The following RGS7 variants were observed in gnomAD, a reference collection of about 807,000 sequenced individuals.
The protein encoded by RGS7 is regulator of G protein signaling 7.
A neutral mutation model predicts 81.1 loss-of-function variants in RGS7; 27 were observed. The ratio of observed to expected loss-of-function variants is 0.33; its 90% confidence interval spans 0.25 to 0.46. RGS7 has a LOEUF of 0.46. RGS7 is among the 20% of genes least tolerant of loss of function. RGS7 has a pLI of 1.00. For missense variants in RGS7, 396 were observed against 607.4 expected, an observed-to-expected ratio of 0.65 and a Z score of 3.66; for synonymous variants, 208 against 207.7, an observed-to-expected ratio of 1.00 and a Z score of -0.01.
At chr1:240,836,150 G>A (rs1273167811) in intron 9 of RGS7, among the ~76,000 whole-genome samples, 1 of 150,798 alleles carries the variant, frequency 6.6e-6, no homozygotes, top group South Asian at 2.1e-4. Flanking sequence ...GGGGTTGGGG[G>A]TGGGGGGTTG....
rs2060056716 is a variant in RGS7, at chr1:241,030,969, T to C, written c.176-47840A>G. 2.0e-5 allele frequency among the ~76,000 whole-genome samples: 3 copies of C among 152,216 alleles called. No individual in the cohort carries two copies. In the South Asian group the frequency reaches 6.2e-4, roughly 31 times the overall value. ...ACACAAAACATTCAGCAACTTCTTT[T>C]AAAAATTATTTGTATAAATTTAGGG... On this transcript the variant is annotated intron_variant, in intron 3 of 18. Coordinates refer to ENST00000440928, the MANE Select transcript of RGS7 (RefSeq NM_001364886.1).
At chr1:241,242,564 T>C (rs1477913017) in intron 2 of RGS7, among the ~76,000 whole-genome samples, 3 of 152,324 alleles carry the variant, frequency 2.0e-5, no homozygotes, top group South Asian at 2.1e-4. Context: ...CTGTTTTCCA[T>C]AGTGGTTGTA....
At chr1:241,043,546 T>G (rs1326503859) in intron 3 of RGS7, among the ~76,000 whole-genome samples, 2 of 127,764 alleles carry the variant, frequency 1.6e-5, no homozygotes, top group Non-Finnish European at 3.3e-5. Flanking sequence ...ATATATCATA[T>G]ATAATATTAT....
At chr1:241,064,210 A>G (rs958760493) in intron 3 of RGS7, among the ~76,000 whole-genome samples, 4 of 151,400 alleles carry the variant, frequency 2.6e-5, no homozygotes, top group African/African-American at 7.3e-5. Flanking sequence ...AAAAAATCAA[A>G]TAAGAGAAAG....
chr1:240,903,393 G>T lies in RGS7; in HGVS notation c.385+27324C>A, dbSNP rs575098362. Among the ~76,000 whole-genome samples, 217 of 152,186 alleles carry T rather than the reference G, an allele frequency of 1.4e-3. 1 individual carries two copies. Among genetic ancestry groups the T allele is most frequent in the Non-Finnish European group, 5.4e-4 (37 of 68,018 alleles). On this transcript the variant is annotated intron_variant, in intron 6 of 18. Transcript: ENST00000440928. ...ATATTTAAATTTTTTAATTTAAATA[G>T]TCATATGTAATTAATGGCTTCCATG...
At chr1:241,032,133 A>T (rs1359589531) in intron 3 of RGS7, among the ~76,000 whole-genome samples, 3 of 152,216 alleles carry the variant, frequency 2.0e-5, no homozygotes, top group African/African-American at 7.2e-5. Context: ...TCTTTAATCT[A>T]TCTTGAAGTG....
intron 3 of RGS7, among the ~76,000 whole-genome samples, chr1:240,996,117 T>C (rs929751641): frequency 1.3e-5 from 2 of 152,198 alleles, no homozygotes; most frequent in African/African-American, 4.8e-5. Context: ...TTTTTTCTCA[T>C]TGATTTCTAA....
At chr1:241,093,039 C>A (rs1234937637) in intron 3 of RGS7, among the ~76,000 whole-genome samples, 1 of 152,140 alleles carries the variant, frequency 6.6e-6, no homozygotes, top group South Asian at 2.1e-4. Flanking sequence ...TAAAGTTTAT[C>A]TTCAAAGACA....
chr1:241,005,064 C>T (rs1400683277), intron 3 of RGS7, among the ~76,000 whole-genome samples: 1 of 152,068 alleles, frequency 6.6e-6, no homozygotes. Context: ...ATGAGGTGCC[C>T]AACACAGACT....
chr1:241,236,177 A>C (rs139120698), intron 2 of RGS7, among the ~76,000 whole-genome samples: 3 of 139,044 alleles, frequency 2.2e-5, no homozygotes, highest in South Asian at 2.4e-4. Context: ...TCCGCCCCCC[A>C]TATTTTAGAA....
intron 2 of RGS7, among the ~76,000 whole-genome samples, chr1:241,318,779 C>G (rs997022200): frequency 1.3e-5 from 2 of 152,004 alleles, no homozygotes; most frequent in South Asian, 2.1e-4. Context: ...CCCAGACTAT[C>G]CTGAGAATTT....
At chr1:241,278,351 C>T (rs1192532706) in intron 2 of RGS7, among the ~76,000 whole-genome samples, 4 of 152,116 alleles carry the variant, frequency 2.6e-5, no homozygotes, top group Non-Finnish European at 4.4e-5. Context: ...TTTAGATGCA[C>T]GTTTTCTATC....
chr1:240,994,693 T>C (rs1049210492), intron 3 of RGS7, among the ~76,000 whole-genome samples: 21 of 151,948 alleles, frequency 1.4e-4, no homozygotes, highest in Admixed American at 1.2e-3. Context: ...GACTAGAAAT[T>C]TCAACATTAT....
At chr1:240,950,183 C>T (rs1231457128) in intron 4 of RGS7, among the ~76,000 whole-genome samples, 1 of 152,106 alleles carries the variant, frequency 6.6e-6, no homozygotes, top group Non-Finnish European at 1.5e-5. Flanking sequence ...ACTCGAGGGG[C>T]TCATAGTGTT....
In RGS7 at chr1:240,840,181, C is replaced by T. The variant is rs561116145; in HGVS notation, c.610-13009G>A. 2.0e-5 allele frequency among the ~76,000 whole-genome samples: 3 copies of T among 152,296 alleles called. No homozygotes were observed. In the East Asian group the frequency reaches 5.8e-4, roughly 29 times the overall value. The stretch of plus-strand genomic sequence containing the variant: ...ACCTTTTTAAACTACAGCGACATCA[C>T]ATCGGTCTCCTCGTCAAACCTCCAA... On this transcript the variant is annotated intron_variant, in intron 9 of 18. Coordinates refer to ENST00000440928, the MANE Select transcript of RGS7 (RefSeq NM_001364886.1).
chr1:241,302,741 G>A lies in RGS7; in HGVS notation c.78+52958C>T, dbSNP rs1162652590. 3.3e-5 allele frequency among the ~76,000 whole-genome samples: 5 copies of A among 152,186 alleles called. No individual in the cohort carries two copies. In the South Asian group the frequency reaches 1.0e-3, roughly 32 times the overall value. On this transcript the variant is annotated intron_variant, in intron 2 of 18. Transcript: ENST00000440928. The stretch of plus-strand genomic sequence containing the variant: ...TCAGTCTCAAAATTACTGATTCATG[G>A]TCATTACTGTTTCATTTACACTCTC...
chr1:241,237,461 G>T (rs1254036420), intron 2 of RGS7, among the ~76,000 whole-genome samples: 1 of 151,964 alleles, frequency 6.6e-6, no homozygotes, highest in Non-Finnish European at 1.5e-5. Context: ...AACTCCTTAG[G>T]AGTCCGCACC....
At chr1:240,843,949 T>C (rs557526810) in intron 9 of RGS7, among the ~76,000 whole-genome samples, 269 of 152,240 alleles carry the variant, frequency 1.8e-3, no homozygotes, top group Middle Eastern at 6.8e-3. Flanking sequence ...TCAGAGTCCA[T>C]GCTGGTCCCG....
At chr1:241,226,939 A>G (rs2075342417) in intron 2 of RGS7, among the ~76,000 whole-genome samples, 1 of 152,220 alleles carries the variant, frequency 6.6e-6, no homozygotes, top group Admixed American at 6.5e-5. Context: ...TTCATTAAAA[A>G]TTCTCATCAT....
Sources: gnomAD v4.1 joint callset for allele counts (sites outside exome capture counted in the v4.1 genomes callset) on GRCh38, gnomAD v4.1.1 for gene constraint, MANE v1.5 for transcripts, NCBI Gene and HGNC (gene_info 2026-07-23, HGNC 2026-07-21) for gene names.